The following DNAH8 variants were observed in gnomAD, a reference collection of about 807,000 sequenced individuals.
DNAH8 encodes axonemal beta dynein heavy chain 8.
A neutral mutation model predicts 562.1 loss-of-function variants in DNAH8; 382 were observed. The observed-to-expected ratio is 0.68, with a 90% CI of 0.63 to 0.74. DNAH8 has a LOEUF of 0.74. DNAH8 is among the 30% of genes least tolerant of loss of function. The probability of loss-of-function intolerance (pLI) is 0.00; values close to 1 mark genes in which losing one functional copy is unlikely to be tolerated. For missense variants in DNAH8, 5,203 were observed against 5,620.4 expected, an observed-to-expected ratio of 0.93 and a Z score of 2.37; for synonymous variants, 1,881 against 1,919.4, an observed-to-expected ratio of 0.98 and a Z score of 0.52.
At chr6:38,811,937 G>A (rs575390505) in intron 24 of DNAH8, among the ~76,000 whole-genome samples, 30 of 152,282 alleles carry the variant, frequency 2.0e-4, no homozygotes, top group Non-Finnish European at 3.4e-4. Context: ...TGGCTAGGGA[G>A]CACACGGGTA....
intron 62 of DNAH8, among the ~76,000 whole-genome samples, chr6:38,901,207 A>G (rs1026041618): frequency 6.6e-6 from 1 of 151,476 alleles, no homozygotes; most frequent in Admixed American, 6.6e-5. Context: ...TGAAACATTC[A>G]TTTTTTTCTA....
chr6:38,900,058 A>T (rs1779975279), intron 62 of DNAH8, 152 bp downstream of exon 62: 1 of 632,924 alleles, frequency 1.6e-6, no homozygotes, highest in African/African-American at 1.9e-5. Flanking sequence ...CAAGTGTCAC[A>T]AAGTAAATAC....
At chr6:38,784,959 T>A (rs1769003546) in intron 17 of DNAH8, among the ~76,000 whole-genome samples, 1 of 152,208 alleles carries the variant, frequency 6.6e-6, no homozygotes, top group Non-Finnish European at 1.5e-5. Flanking sequence ...ACAATCTTGA[T>A]GAGTAATAAT....
At chr6:38,979,526 A>G (rs1763897854) in intron 85 of DNAH8, among the ~76,000 whole-genome samples, 2 of 152,230 alleles carry the variant, frequency 1.3e-5, no homozygotes, top group Non-Finnish European at 2.9e-5. Flanking sequence ...TAGCAAGAAG[A>G]TGAAATGACT....
intron 5 of DNAH8, among the ~76,000 whole-genome samples, chr6:38,736,695 G>A (rs775792803): frequency 6.7e-6 from 1 of 148,166 alleles, no homozygotes; most frequent in Non-Finnish European, 1.5e-5. Context: ...CAAACTTCTA[G>A]GCAAGGGCTT....
chr6:38,773,992 G>A (rs905996912), intron 12 of DNAH8, among the ~76,000 whole-genome samples: 6 of 152,192 alleles, frequency 3.9e-5, no homozygotes, highest in African/African-American at 9.7e-5. Context: ...GGGGCCCTTC[G>A]AGGAGTAAGT....
chr6:38,721,304 C>A (rs554546079), intron 1 of DNAH8, among the ~76,000 whole-genome samples: 6 of 151,528 alleles, frequency 4.0e-5, no homozygotes, highest in Non-Finnish European at 7.4e-5. Context: ...CATAATGAGA[C>A]CTTGTCTCTA....
Position 39,009,022 on chromosome 6 carries a change from C to T in DNAH8, c.13371+52C>T. 2 of 1,336,432 alleles carry T rather than the reference C, an allele frequency of 1.5e-6. 1 individual carries two copies. The highest frequency in any genetic ancestry group is 2.7e-5 in the South Asian group (2 of 73,270). The allele number at this position is 1,336,432 out of a possible 1,614,324, so 82.8% of individuals were successfully genotyped here. ...ATACAGGGCTATTTGTATATTTAAA[C>T]AGTAAGTTTGATTACCTTGAAAAGC... is the stretch of plus-strand genomic sequence containing the variant. On this transcript the variant is annotated intron_variant, in intron 89 of 92. Transcript: ENST00000327475.
At chr6:38,814,333 C>T (rs1772059440) in intron 25 of DNAH8, among the ~76,000 whole-genome samples, 1 of 152,230 alleles carries the variant, frequency 6.6e-6, no homozygotes, top group South Asian at 2.1e-4. Flanking sequence ...GTAATCCCAA[C>T]ACTTTGGGAG....
In DNAH8 at chr6:38,920,916, G is replaced by C. The variant is rs530557032; in HGVS notation, c.10525-453G>C. ...AATTAAAAAAATTTTTTTGAGACAG[G>C]GTCTCACTCTGTCGCCCAGGCTGGA... On this transcript the variant is annotated intron_variant, in intron 70 of 92. Transcript: ENST00000327475. Among the ~76,000 whole-genome samples, 4 of 151,986 alleles carry C rather than the reference G, an allele frequency of 2.6e-5. No homozygotes were observed. The South Asian group carries it at 8.3e-4, about 32-fold the overall frequency.
Position 39,012,356 on chromosome 6 carries a change from A to T in DNAH8, c.13513A>T (p.Ile4505Phe). Residue 4505 changes from isoleucine (I) to phenylalanine (F), a missense_variant, in exon 90 of 93, where the codon ATT (isoleucine) becomes TTT (phenylalanine). By Grantham distance (21) the Ile-to-Phe change is conservative. Transcript: ENST00000327475. ...DLKLAIEGTIIMSENLRDALD... is the reference protein window; with the variant it reads ...DLKLAIEGTIFMSENLRDALD... ...AAAATTGGCCATTGAAGGAACAATC[A>T]TTATGAGTGAGGTGAGCTGTTATTA... is the stretch of plus-strand genomic sequence containing the variant. 1 of 1,612,380 alleles carries T rather than the reference A, an allele frequency of 6.2e-7. No individual in the cohort carries two copies. The highest frequency in any genetic ancestry group is 8.5e-7 in the Non-Finnish European group (1 of 1,178,624).
At chr6:38,790,031 C>G in intron 19 of DNAH8, 148 bp downstream of exon 19, 1 of 592,930 alleles carries the variant, frequency 1.7e-6, no homozygotes, top group East Asian at 3.2e-5. Context: ...TTTTTTTCTG[C>G]AGAATTTCTT....
chr6:38,971,897 A>G (rs912345879), intron 83 of DNAH8: 1 of 351,968 alleles, frequency 2.8e-6, no homozygotes, highest in South Asian at 1.0e-4. Context: ...TGTTCGTTTT[A>G]TGATTTGGGA....
At chr6:38,899,428 CTTCTGCAGAT>C (rs1779916634) in intron 61 of DNAH8, among the ~76,000 whole-genome samples, 1 of 152,226 alleles carries the variant, frequency 6.6e-6, no homozygotes, top group South Asian at 2.1e-4. Flanking sequence ...TTTCTTATAT[CTTCTGCAGAT>C]TGGGAAGAGC....
chr6:38,762,908 G>T (rs1025838075), intron 11 of DNAH8: 9 of 278,536 alleles, frequency 3.2e-5, no homozygotes, highest in Non-Finnish European at 5.4e-5. Flanking sequence ...AGGATAAGAA[G>T]AGGAAGAATT....
chr6:38,855,252 A>C (rs1232860673), intron 41 of DNAH8, among the ~76,000 whole-genome samples: 1 of 152,130 alleles, frequency 6.6e-6, no homozygotes, highest in Non-Finnish European at 1.5e-5. Flanking sequence ...TGGAAAATGC[A>C]AAAAATATAA....
At chr6:38,849,512 G>A (rs941098589) in intron 37 of DNAH8, among the ~76,000 whole-genome samples, 1 of 150,460 alleles carries the variant, frequency 6.6e-6, no homozygotes, top group African/African-American at 2.4e-5. Flanking sequence ...CTAAACTTCT[G>A]TATTTACAAG....
In DNAH8 at chr6:38,894,731, C is replaced by A. The variant is rs370299465; in HGVS notation, c.8614C>A (p.His2872Asn). The A allele has an allele frequency of 4.2e-5, 67 of 1,613,932 alleles. No individual in the cohort carries two copies. Among genetic ancestry groups the A allele is most frequent in the Non-Finnish European group, 5.6e-5 (66 of 1,179,900 alleles). Residue 2872 changes from histidine (H) to asparagine (N), a missense_variant, in exon 59 of 93, where the codon CAT (histidine) becomes AAT (asparagine). By Grantham distance (68) the His-to-Asn change is moderately conservative (BLOSUM62 1). This residue lies in a region of DNAH8 where 977 missense variants were observed against 1,061.8 expected (regional missense o/e 0.92). Coordinates refer to ENST00000327475, the MANE Select transcript of DNAH8 (RefSeq NM_001206927.2). ...GATGCTGCCAACTCCTTCTAAATTTCATTACATCTTCAATCTTCGAGATCT... is the reference window on the plus strand; with the variant it reads ...GATGCTGCCAACTCCTTCTAAATTTAATTACATCTTCAATCTTCGAGATCT... ...VKMLPTPSKF[H>N]YIFNLRDLSR...
intron 28 of DNAH8, among the ~76,000 whole-genome samples, chr6:38,825,537 C>A (rs1455980351): frequency 6.6e-6 from 1 of 152,096 alleles, no homozygotes; most frequent in Non-Finnish European, 1.5e-5. Context: ...TTCTCTATGC[C>A]TCTCGTTTCT....
Sources: allele counts gnomAD v4.1 joint callset (sites outside exome capture counted in the v4.1 genomes callset), GRCh38; gene constraint gnomAD v4.1.1; regional missense constraint gnomAD v4.1.1; transcripts MANE v1.5; gene names NCBI Gene and HGNC (gene_info 2026-07-23, HGNC 2026-07-21).